ACSM3: variants seen among roughly 807,000 people sequenced by gnomAD.
ACSM3 encodes acyl-CoA synthetase medium chain family member 3.
Under a neutral mutation model 74.1 loss-of-function variants are expected in ACSM3, and 61 were observed. The ratio of observed to expected loss-of-function variants is 0.82; its 90% CI spans 0.67 to 1.02. The LOEUF (loss-of-function observed/expected upper bound fraction) is 1.02. Among genes scored for constraint, ACSM3 ranks in the 50% least tolerant of loss-of-function variants. The pLI is 0.00. For missense variants in ACSM3, 660 were observed against 697.0 expected (o/e 0.95, Z 0.60); for synonymous variants, 213 against 241.5 (o/e 0.88, Z 1.09).
intron 1 of ACSM3, chr16:20,711,509 C>A (rs777435816): frequency 5.7e-5 from 80 of 1,407,604 alleles, no homozygotes; most frequent in Admixed American, 1.4e-4. Context: ...CAGCTGACAG[C>A]AAAATATATC....
In ACSM3 at chr16:20,716,971, C is replaced by T. The variant is rs115707081; in HGVS notation, c.-189-32939C>T. Among the ~76,000 whole-genome samples, 441 of 152,168 alleles carry T rather than the reference C, an allele frequency of 2.9e-3. 3 individuals are homozygous for T. Among genetic ancestry groups the T allele is most frequent in the African/African-American group, 0.01 (427 of 41,508 alleles). On this transcript the variant is annotated intron_variant, in intron 1 of 3. Transcript: ENST00000561584. ...TTGGATTTAGTAACCCAAATACAAG[C>T]GACTAAAACAATACAAACAAGTTTA...
intron 1 of ACSM3, among the ~76,000 whole-genome samples, chr16:20,730,693 A>G (rs2152406880): frequency 6.6e-6 from 1 of 152,324 alleles, no homozygotes; most frequent in South Asian, 2.1e-4. Context: ...TGAAGAGCAG[A>G]AGTAACCACC....
At chr16:20,691,346 C>T (rs1316490384) in intron 1 of ACSM3, 1 of 578,914 alleles carries the variant, frequency 1.7e-6, no homozygotes, top group East Asian at 3.4e-5. Context: ...TTTCAGGTCA[C>T]CAGAATTTGG....
chr16:20,781,934 C>A, intron 7 of ACSM3, 147 bp downstream of exon 7: 1 of 630,544 alleles, frequency 1.6e-6, no homozygotes, highest in Non-Finnish European at 2.8e-6. Context: ...TCCTTCTTGC[C>A]TGCATTCTGT....
At chr16:20,695,317 CA>C (rs1315039919) in intron 1 of ACSM3, among the ~76,000 whole-genome samples, 1 of 152,164 alleles carries the variant, frequency 6.6e-6, no homozygotes, top group East Asian at 1.9e-4. Context: ...TGCCTGAAGC[CA>C]TGGTGATAAA....
chr16:20,764,243 T>C (rs1186927347), intron 1 of ACSM3, 118 bp downstream of exon 1: 1 of 152,190 alleles, frequency 6.6e-6, no homozygotes, highest in Non-Finnish European at 1.5e-5. Context: ...CATTAAAGTC[T>C]TGGGCAGCCA....
chr16:20,789,505 T>A, intron 9 of ACSM3: 1 of 1,613,780 alleles, frequency 6.2e-7, no homozygotes, highest in Non-Finnish European at 8.5e-7. Flanking sequence ...ATATTCCCCT[T>A]TTCCTGTTTA....
At chr16:20,730,231 A>AGCATAT (rs2079822265) in intron 1 of ACSM3, among the ~76,000 whole-genome samples, 1 of 152,204 alleles carries the variant, frequency 6.6e-6, no homozygotes, top group Non-Finnish European at 1.5e-5. Flanking sequence ...ATACTGCATA[A>AGCATAT]GCATATGCAG....
chr16:20,753,872 AAAAG>A (rs1369613285), intron 2 of ACSM3, among the ~76,000 whole-genome samples: 1 of 149,568 alleles, frequency 6.7e-6, no homozygotes, highest in Non-Finnish European at 1.5e-5. Flanking sequence ...AAAGAGAAAG[AAAAG>A]AGAGAGAGAG....
chr16:20,692,929 G>A (rs190704038), intron 1 of ACSM3, among the ~76,000 whole-genome samples: 1 of 152,190 alleles, frequency 6.6e-6, no homozygotes, highest in Admixed American at 6.5e-5. Context: ...CCAGCCCTTT[G>A]GGAGGCTGAG....
chr16:20,741,451 C>A, intron 1 of ACSM3: 1 of 1,473,434 alleles, frequency 6.8e-7, no homozygotes, highest in Non-Finnish European at 9.0e-7. Flanking sequence ...TCCCTCCACC[C>A]TTCCCTCCTC....
chr16:20,776,140 G>A, intron 3 of ACSM3, 91 bp downstream of exon 3: 1 of 1,389,090 alleles, frequency 7.2e-7, no homozygotes, highest in South Asian at 1.2e-5. Flanking sequence ...CATTTATTTT[G>A]TTGTGGGCTT....
intron 2 of ACSM3, among the ~76,000 whole-genome samples, chr16:20,771,397 T>G (rs983185835): frequency 7.0e-6 from 1 of 143,512 alleles, no homozygotes; most frequent in Non-Finnish European, 1.5e-5. Flanking sequence ...TTTTTTTTTT[T>G]AAGAGACAGG....
At chr16:20,786,191 C>T in intron 9 of ACSM3, 33 bp downstream of exon 9, 1 of 1,606,420 alleles carries the variant, frequency 6.2e-7, no homozygotes, top group South Asian at 1.1e-5. Flanking sequence ...GAATGTTTAA[C>T]AACCCAATCT....
At chr16:20,776,471 G>A (rs2080257183) in intron 3 of ACSM3, among the ~76,000 whole-genome samples, 1 of 152,150 alleles carries the variant, frequency 6.6e-6, no homozygotes, top group Admixed American at 6.5e-5. Context: ...AAAACCTATT[G>A]TGAAGTGAAT....
At chr16:20,706,584 C>T (rs2097512990) in intron 1 of ACSM3, among the ~76,000 whole-genome samples, 1 of 152,224 alleles carries the variant, frequency 6.6e-6, no homozygotes, top group Admixed American at 6.5e-5. Flanking sequence ...TAGACCCACA[C>T]CCAGGTGGTA....
At chr16:20,765,021 ATTAC>A (rs2080111008) in intron 1 of ACSM3, among the ~76,000 whole-genome samples, 1 of 152,168 alleles carries the variant, frequency 6.6e-6, no homozygotes, top group Admixed American at 6.5e-5. Flanking sequence ...AACTACTGTT[ATTAC>A]TTGGATACTT....
At chr16:20,724,020 C>G (rs1439265994) in intron 1 of ACSM3, among the ~76,000 whole-genome samples, 1 of 152,170 alleles carries the variant, frequency 6.6e-6, no homozygotes, top group Non-Finnish European at 1.5e-5. Context: ...TTAGGTCTAA[C>G]ATGTAAGTCT....
intron 7 of ACSM3, chr16:20,784,733 T>A (rs2080432078): frequency 2.1e-5 from 4 of 194,102 alleles, no homozygotes; most frequent in Non-Finnish European, 4.1e-5. Context: ...AAAGAAAAAC[T>A]AGTATTTGGG....
Sources: gnomAD v4.1 joint callset for allele counts (sites outside exome capture counted in the v4.1 genomes callset) on GRCh38, gnomAD v4.1.1 for gene constraint, MANE v1.5 for transcripts, NCBI Gene and HGNC (gene_info 2026-07-23, HGNC 2026-07-21) for gene names.